Variants in COG5 observed in about 807,000 individuals in gnomAD.
The protein encoded by COG5 is component of oligomeric golgi complex 5, also known as conserved oligomeric Golgi complex subunit 5.
A neutral mutation model predicts 110.4 loss-of-function variants in COG5; 86 were observed. The observed-to-expected ratio is 0.78, with a 90% CI of 0.65 to 0.93. The LOEUF is 0.93. Ranked by LOEUF, COG5 falls within the 40% of genes least tolerant of loss-of-function variation. The probability of loss-of-function intolerance (pLI) is 0.00; values close to 1 mark genes in which losing one functional copy is unlikely to be tolerated. For missense variants in COG5, 1,077 were observed against 987.0 expected (o/e 1.09, Z -1.22); for synonymous variants, 360 against 334.6 (o/e 1.08, Z -0.83).
chr7:107,530,550 G>A (rs1432832698), intron 5 of COG5, among the ~76,000 whole-genome samples: 1 of 134,644 alleles, frequency 7.4e-6, no homozygotes, highest in African/African-American at 2.9e-5. Context: ...GCGATGAGCC[G>A]AGATTGTGAT....
rs139738566 is a variant in COG5 at position 107,468,159 on chromosome 7, C to T, written c.539-55527G>A. On this transcript the variant is annotated intron_variant, in intron 6 of 21. Transcript: ENST00000297135. Reference sequence around the variant, plus strand: ...AATTTTCCAAAGAGAGAAGGCCAACCGCCTAGTACAGCGTGGTTTGCAGTT... The same window carrying T: ...AATTTTCCAAAGAGAGAAGGCCAACTGCCTAGTACAGCGTGGTTTGCAGTT... 1.4e-3 allele frequency among the ~76,000 whole-genome samples: 214 copies of T among 152,274 alleles called. 1 individual carries two copies. The highest frequency in any genetic ancestry group is 4.7e-3 in the African/African-American group (195 of 41,572).
At chr7:107,440,977 G>T (rs1164925865) in intron 6 of COG5, among the ~76,000 whole-genome samples, 1 of 152,096 alleles carries the variant, frequency 6.6e-6, no homozygotes, top group Non-Finnish European at 1.5e-5. Flanking sequence ...TCCCAGGCCG[G>T]GCGTGGTGGC....
chr7:107,401,421 T>C (rs1791415089), intron 7 of COG5, among the ~76,000 whole-genome samples: 1 of 152,194 alleles, frequency 6.6e-6, no homozygotes, highest in South Asian at 2.1e-4. Flanking sequence ...AATTATTATT[T>C]ATACATGTCA....
At chr7:107,301,690 G>A (rs1807281530) in intron 11 of COG5, among the ~76,000 whole-genome samples, 1 of 152,106 alleles carries the variant, frequency 6.6e-6, no homozygotes, top group South Asian at 2.1e-4. Flanking sequence ...CCAACATGGT[G>A]AAACTCCATC....
chr7:107,344,766 C>T lies in COG5; in HGVS notation c.1026+17267G>A, dbSNP rs192476050. 3.4e-3 allele frequency among the ~76,000 whole-genome samples: 519 copies of T among 152,306 alleles called. 2 individuals carry two copies. The highest frequency in any genetic ancestry group is 0.02 in the Middle Eastern group (6 of 294). Reference sequence around the variant, plus strand: ...CTTGAACTCCCAACCTCAGGTGATTCACCCACCTCGGCCTCCCAAAGTGCC... The same window carrying T: ...CTTGAACTCCCAACCTCAGGTGATTTACCCACCTCGGCCTCCCAAAGTGCC... On this transcript the variant is annotated intron_variant, in intron 10 of 21. Transcript: ENST00000297135.
At chr7:107,293,224 C>T (rs773851840) in intron 12 of COG5, among the ~76,000 whole-genome samples, 18 of 152,118 alleles carry the variant, frequency 1.2e-4, no homozygotes, top group Admixed American at 3.9e-4. Flanking sequence ...CTCAAGGACC[C>T]ATTCATTGCG....
At chr7:107,546,435 G>GTTTTTTTTTTTTTTTTTT (rs754919944) in intron 5 of COG5, among the ~76,000 whole-genome samples, 23 of 119,484 alleles carry the variant, frequency 1.9e-4, no homozygotes, top group South Asian at 2.9e-4. Flanking sequence ...TTGGTTTTTT[G>GTTTTTTTTTTTTTTTTTT]TTTTTTTTTT....
At position 107,248,512 on chromosome 7, in the gene COG5, A is replaced by T; in HGVS notation, c.1750-13T>A. 1 of 1,555,868 alleles carries T rather than the reference A, an allele frequency of 6.4e-7. No individual in the cohort carries two copies. Among genetic ancestry groups the T allele is most frequent in the Admixed American group, 1.7e-5 (1 of 58,458 alleles). ...GAGCATGAATAGCCTAAAAAAAAAA[A>T]AGAAAGAAAAAAAAGAAGAGGCAAG... On this transcript the variant is annotated splice_polypyrimidine_tract_variant and intron_variant, in intron 16 of 21. Transcript: ENST00000297135.
chr7:107,540,857 A>C (rs1467114543), intron 5 of COG5, among the ~76,000 whole-genome samples: 2 of 152,092 alleles, frequency 1.3e-5, no homozygotes, highest in Non-Finnish European at 2.9e-5. Context: ...AAATGTTAAA[A>C]TATATTTTAT....
intron 14 of COG5, among the ~76,000 whole-genome samples, chr7:107,261,266 C>T (rs1803322832): frequency 6.6e-6 from 1 of 152,106 alleles, no homozygotes; most frequent in African/African-American, 2.4e-5. Flanking sequence ...TGTTCTCTAT[C>T]TGGATTTACT....
intron 10 of COG5, among the ~76,000 whole-genome samples, chr7:107,343,152 G>A (rs1297168268): frequency 6.6e-6 from 1 of 152,132 alleles, no homozygotes; most frequent in Non-Finnish European, 1.5e-5. Context: ...TCAGTTATAA[G>A]TGAGGGCTAA....
chr7:107,210,134 T>C, intron 21 of COG5: 1 of 1,071,066 alleles, frequency 9.3e-7, no homozygotes, highest in Non-Finnish European at 1.1e-6. Context: ...CGCACTTGGG[T>C]ATTTTTAAAA....
Position 107,295,101 on chromosome 7 carries a change from A to ATTTT in COG5, c.1313+3037_1313+3040dup, listed in dbSNP as rs1186745330. Among the ~76,000 whole-genome samples, 181 of 45,538 alleles carry ATTTT rather than the reference A, an allele frequency of 4.0e-3. 3 individuals are homozygous for ATTTT. Among genetic ancestry groups the ATTTT allele is most frequent in the South Asian group, 8.3e-3 (8 of 964 alleles). The allele number at this position is 45,538 out of a possible 152,430, so 29.9% of individuals were successfully genotyped here. On this transcript the variant is annotated intron_variant, in intron 12 of 21. Transcript: ENST00000297135. ...TATATATATATATATATATATATAT[A>ATTTT]TTTTTTTTTTTTTTTTGTAGAGTCA...
intron 6 of COG5, among the ~76,000 whole-genome samples, chr7:107,453,240 T>G (rs1347818014): frequency 1.3e-5 from 2 of 152,108 alleles, no homozygotes; most frequent in Admixed American, 1.3e-4. Context: ...AGTACAGGAG[T>G]TAAATCTCTC....
At chr7:107,479,054 T>G (rs1797158574) in intron 6 of COG5, among the ~76,000 whole-genome samples, 1 of 152,066 alleles carries the variant, frequency 6.6e-6, no homozygotes, top group Non-Finnish European at 1.5e-5. Flanking sequence ...CTCAAGAGCT[T>G]AAAATCTAGA....
intron 16 of COG5, among the ~76,000 whole-genome samples, chr7:107,255,263 A>G (rs1802799376): frequency 6.6e-6 from 1 of 152,158 alleles, no homozygotes; most frequent in African/African-American, 2.4e-5. Flanking sequence ...CAACCTTACT[A>G]AAAACAATTA....
At chr7:107,313,150 T>C (rs1808430163) in intron 11 of COG5, among the ~76,000 whole-genome samples, 1 of 152,220 alleles carries the variant, frequency 6.6e-6, no homozygotes, top group Non-Finnish European at 1.5e-5. Context: ...TGTGAATCTT[T>C]GGACAGCAAA....
At position 107,474,529 on chromosome 7, in the gene COG5, G is replaced by C; in HGVS notation, c.538+52708C>G. The C allele has an allele frequency of 6.2e-7, 1 of 1,611,638 alleles. No homozygotes were observed. Among genetic ancestry groups the C allele is most frequent in the Non-Finnish European group, 8.5e-7 (1 of 1,178,196 alleles). On this transcript the variant is annotated intron_variant, in intron 6 of 21. Transcript: ENST00000297135. The surrounding 1 kb of genome is among the most constrained non-coding windows in gnomAD (Gnocchi z 5.7). Reference sequence around the variant, plus strand: ...AAACCGAATTCTGACAATGGGCAGAGCTGTAATGTTAATGATATCCATTTG... The same window carrying C: ...AAACCGAATTCTGACAATGGGCAGACCTGTAATGTTAATGATATCCATTTG...
At chr7:107,368,562 T>G (rs1813838880) in intron 8 of COG5, among the ~76,000 whole-genome samples, 1 of 150,764 alleles carries the variant, frequency 6.6e-6, no homozygotes, top group Admixed American at 6.6e-5. Context: ...TTTATGTTTT[T>G]CTTTAAGTTT....
Sources: allele counts gnomAD v4.1 joint callset (sites outside exome capture counted in the v4.1 genomes callset), GRCh38; gene constraint gnomAD v4.1.1; non-coding constraint Gnocchi (gnomAD v3.1); transcripts MANE v1.5; gene names NCBI Gene and HGNC (gene_info 2026-07-23, HGNC 2026-07-21).